Variants in DNAH5 observed in about 807,000 individuals in gnomAD.
The protein encoded by DNAH5 is dynein axonemal heavy chain 5.
A neutral mutation model predicts 518.2 loss-of-function variants in DNAH5; 372 were observed. The observed-to-expected ratio is 0.72, with a 90% CI of 0.66 to 0.78. The LOEUF (loss-of-function observed/expected upper bound fraction) is 0.78, where lower values mean the gene tolerates loss of function less well. DNAH5 is among the 30% of genes least tolerant of loss of function. The pLI, the probability that DNAH5 is intolerant of heterozygous loss-of-function variation, is 0.00. For missense variants in DNAH5, 5,523 were observed against 5,687.0 expected (o/e 0.97, Z 0.93); for synonymous variants, 2,039 against 2,025.9 (o/e 1.01, Z -0.17).
At position 13,753,512 on chromosome 5, in the gene DNAH5, A is replaced by G. The variant is rs200974254; in HGVS notation, c.10593T>C (p.Ser3531=). ...VLLATAFLSY[S]GPFNQEFRDL... The stretch of plus-strand genomic sequence containing the variant: ...CACGAAACTCTTGGTTAAATGGACC[A>G]GAATAAGATAGAAAAGCTGTAGCCA... Residue 3531 remains serine, a synonymous_variant, in exon 63 of 79, where the codon TCT becomes TCC. Transcript: ENST00000265104. The G allele has an allele frequency of 3.1e-6, 5 of 1,613,970 alleles. 1 individual carries two copies. In the South Asian group the frequency reaches 4.4e-5, roughly 14 times the overall value.
intron 65 of DNAH5, among the ~76,000 whole-genome samples, chr5:13,749,317 A>G (rs1749878337): frequency 6.6e-6 from 1 of 152,184 alleles, no homozygotes; most frequent in Non-Finnish European, 1.5e-5. Flanking sequence ...AGCCCAGAAC[A>G]GATTCTGATA....
intron 1 of DNAH5, among the ~76,000 whole-genome samples, chr5:13,978,190 C>A (rs912674103): frequency 1.3e-5 from 2 of 152,236 alleles, no homozygotes; most frequent in Admixed American, 1.3e-4. Flanking sequence ...GCCCAGCACC[C>A]TTCACCACCA....
chr5:13,992,543 T>C (rs1183044783), intron 1 of DNAH5, among the ~76,000 whole-genome samples: 1 of 152,252 alleles, frequency 6.6e-6, no homozygotes, highest in African/African-American at 2.4e-5. Context: ...CCCTGTTTTA[T>C]TTCACTTTGG....
chr5:13,754,094 T>G (rs1750650037), intron 62 of DNAH5, 109 bp downstream of exon 62: 5 of 1,297,086 alleles, frequency 3.9e-6, no homozygotes, highest in East Asian at 2.3e-5. Context: ...TTGTTACATA[T>G]GTATACATGC....
At chr5:13,762,007 G>C (rs1431352693) in intron 60 of DNAH5, among the ~76,000 whole-genome samples, 1 of 152,114 alleles carries the variant, frequency 6.6e-6, no homozygotes, top group Non-Finnish European at 1.5e-5. Context: ...TAAGAGAGAT[G>C]AGACTCATAC....
intron 62 of DNAH5, 128 bp downstream of exon 62, chr5:13,754,075 T>C (rs1042064063): frequency 2.8e-6 from 3 of 1,067,200 alleles, no homozygotes; most frequent in Non-Finnish European, 4.3e-6. Context: ...ATGCGCACAA[T>C]GTGCGGGTTT....
chr5:13,731,517 G>C (rs774461702), intron 68 of DNAH5, among the ~76,000 whole-genome samples: 2 of 152,162 alleles, frequency 1.3e-5, no homozygotes, highest in Non-Finnish European at 2.9e-5. Context: ...TTGTAACTTG[G>C]GGGAGAGGAC....
intron 63 of DNAH5, among the ~76,000 whole-genome samples, chr5:13,752,798 T>C (rs905399064): frequency 2.0e-5 from 3 of 152,238 alleles, no homozygotes; most frequent in African/African-American, 4.8e-5. Context: ...ACTGTTTCCA[T>C]TGTTGTTTAA....
intron 1 of DNAH5, among the ~76,000 whole-genome samples, chr5:13,983,908 A>T (rs1782854519): frequency 6.6e-6 from 1 of 152,242 alleles, no homozygotes; most frequent in South Asian, 2.1e-4. Context: ...TACAGTCAGC[A>T]GACTACTGGC....
At chr5:13,802,864 A>G (rs551841653) in intron 47 of DNAH5, among the ~76,000 whole-genome samples, 16 of 152,312 alleles carry the variant, frequency 1.1e-4, no homozygotes, top group South Asian at 6.2e-4. Context: ...AAGCCACTTA[A>G]TATTTCTGGG....
chr5:13,735,820 G>A lies in DNAH5; in HGVS notation c.11568C>T (p.Ala3856=). The change falls in exon 67 of 79, where the codon GCC becomes GCT. Residue 3856 remains alanine (A), a splice_region_variant and synonymous_variant. Coordinates refer to ENST00000265104, the MANE Select transcript of DNAH5 (RefSeq NM_001369.3). The part of the protein sequence containing the change: ...QFLGLFDLSL[A]RSVKSPITSK... ...TGGCTTCCCGCGTACAGACGTACCT[G>A]GCTAAGGAAAGGTCAAATAAGCCCA... is the stretch of plus-strand genomic sequence containing the variant. The A allele has an allele frequency of 6.2e-7, 1 of 1,613,152 alleles. No homozygotes were observed. Among genetic ancestry groups the A allele is most frequent in the Non-Finnish European group, 8.5e-7 (1 of 1,179,066 alleles).
intron 78 of DNAH5, among the ~76,000 whole-genome samples, chr5:13,699,780 T>C (rs1741846481): frequency 6.6e-6 from 1 of 152,218 alleles, no homozygotes; most frequent in African/African-American, 2.4e-5. Flanking sequence ...TTAGAATCTT[T>C]TGTGCTTCTA....
rs771352867 is a variant in DNAH5, at chr5:13,865,919, C to G, written c.4117-13G>C. The G allele has an allele frequency of 1.3e-6, 2 of 1,487,348 alleles. No homozygotes were observed. Among genetic ancestry groups the G allele is most frequent in the South Asian group, 2.3e-5 (2 of 88,116 alleles). The allele number at this position is 1,487,348 out of a possible 1,614,324, so 92.1% of individuals were successfully genotyped here. A position where few individuals can be genotyped will look rare whatever the true frequency, so the allele number is the denominator to read the frequency against. Reference sequence around the variant, plus strand: ...TATCAAATTGATTCTAATAAAAACACAAGTGAAAACGCATCAAAATGATTT... The same window carrying G: ...TATCAAATTGATTCTAATAAAAACAGAAGTGAAAACGCATCAAAATGATTT... On this transcript the variant is annotated splice_polypyrimidine_tract_variant and intron_variant, in intron 26 of 78. Coordinates refer to ENST00000265104, the MANE Select transcript of DNAH5 (RefSeq NM_001369.3).
intron 1 of DNAH5, among the ~76,000 whole-genome samples, chr5:13,943,989 T>C (rs1489566930): frequency 1.3e-5 from 2 of 151,890 alleles, no homozygotes; most frequent in Non-Finnish European, 2.9e-5. Flanking sequence ...AACAGGGGAG[T>C]GATTTCAAAG....
Position 13,721,052 on chromosome 5 carries a change from C to A in DNAH5, c.12227G>T (p.Gly4076Val). The change falls in exon 71 of 79, where the codon GGC becomes GTC. Residue 4076 changes from glycine (G) to valine (V), a missense_variant. Physicochemically the swap from Gly to Val is moderately radical, Grantham distance 109. This residue lies in a region of DNAH5 where 5,121 missense variants were observed against 5,223.3 expected (regional missense o/e 0.98). Coordinates refer to ENST00000265104, the MANE Select transcript of DNAH5 (RefSeq NM_001369.3). Reference sequence around the variant, plus strand: ...CCGAGCATGGACTTCCTGGCCCTGGCCCATGGACACATAACGGGTTTCTAT... The same window carrying A: ...CCGAGCATGGACTTCCTGGCCCTGGACCATGGACACATAACGGGTTTCTAT... ...LKIETRYVSMGQGQEVHARKL... is the reference protein window; with the variant it reads ...LKIETRYVSMVQGQEVHARKL... The A allele has an allele frequency of 1.2e-6, 2 of 1,614,120 alleles. No individual in the cohort carries two copies. Among genetic ancestry groups the A allele is most frequent in the Non-Finnish European group, 1.7e-6 (2 of 1,179,988 alleles).
At chr5:13,738,093 A>G (rs1455331997) in intron 65 of DNAH5, among the ~76,000 whole-genome samples, 1 of 151,580 alleles carries the variant, frequency 6.6e-6, no homozygotes, top group Non-Finnish European at 1.5e-5. Context: ...ATGTTAAAAA[A>G]AAAAAAAAGG....
At chr5:13,741,344 T>C (rs1261955380) in intron 65 of DNAH5, among the ~76,000 whole-genome samples, 1 of 152,098 alleles carries the variant, frequency 6.6e-6, no homozygotes, top group Non-Finnish European at 1.5e-5. Context: ...AAGAATTCCC[T>C]CTTTAAGCAA....
chr5:13,945,266 T>C (rs1779818365), upstream of DNAH5, among the ~76,000 whole-genome samples: 1 of 152,188 alleles, frequency 6.6e-6, no homozygotes, highest in Admixed American at 6.5e-5. Flanking sequence ...TCCCATCGAG[T>C]TGAATAAAAG....
intron 38 of DNAH5, among the ~76,000 whole-genome samples, chr5:13,828,526 C>T (rs926288950): frequency 1.3e-5 from 2 of 152,126 alleles, no homozygotes; most frequent in East Asian, 1.9e-4. Flanking sequence ...TAATAGAATA[C>T]AGCAGAGACA....
Sources: allele counts gnomAD v4.1 joint callset (sites outside exome capture counted in the v4.1 genomes callset), GRCh38; gene constraint gnomAD v4.1.1; regional missense constraint gnomAD v4.1.1; transcripts MANE v1.5; gene names NCBI Gene and HGNC (gene_info 2026-07-23, HGNC 2026-07-21).